Variants in TBC1D5 observed in about 807,000 individuals in gnomAD.
TBC1D5 encodes TBC1 domain family member 5.
Under a neutral mutation model 100.3 loss-of-function variants are expected in TBC1D5, and 75 were observed. That is an observed-to-expected ratio of 0.75 (90% CI 0.62 to 0.91). The LOEUF (loss-of-function observed/expected upper bound fraction) is 0.91, where lower values mean the gene tolerates loss of function less well. Among genes scored for constraint, TBC1D5 ranks in the 40% least tolerant of loss-of-function variants. The pLI is 0.00. For synonymous variants in TBC1D5, 323 were observed against 325.6 expected, an observed-to-expected ratio of 0.99 and a Z score of 0.09; for missense variants, 910 against 942.4, an observed-to-expected ratio of 0.97 and a Z score of 0.45.
At position 17,591,233 on chromosome 3, in the gene TBC1D5, C is replaced by CAAAAAAAAAAAAAAAAA. The variant is rs60889092; in HGVS notation, c.-36+32599_-36+32615dup. Reference sequence around the variant, plus strand: ...ACTGGGCTACAAAGAAAGGATCTGTCAAAAAAAAAAAAAAAAAAAAAAAAA... The same window carrying CAAAAAAAAAAAAAAAAA: ...ACTGGGCTACAAAGAAAGGATCTGTCAAAAAAAAAAAAAAAAAAAAAAAAAAAAAAAAAAAAAAAAAA... On this transcript the variant is annotated intron_variant, in intron 2 of 21. Coordinates refer to ENST00000253692, the Ensembl canonical transcript of TBC1D5. Among the ~76,000 whole-genome samples, 27 of 18,658 alleles carry CAAAAAAAAAAAAAAAAA rather than the reference C, an allele frequency of 1.4e-3. 1 individual carries two copies. Among genetic ancestry groups the CAAAAAAAAAAAAAAAAA allele is most frequent in the South Asian group, 2.3e-3 (1 of 440 alleles). The allele number at this position is 18,658 out of a possible 152,430, so 12.2% of individuals were successfully genotyped here.
chr3:17,705,174 G>T (rs1259031808), intron 1 of TBC1D5, among the ~76,000 whole-genome samples: 1 of 93,192 alleles, frequency 1.1e-5, no homozygotes, highest in Non-Finnish European at 2.3e-5. Flanking sequence ...CCTCCCGGAC[G>T]GCACGGCTGG....
At chr3:17,372,996 C>G (rs949962455) in intron 12 of TBC1D5, among the ~76,000 whole-genome samples, 2 of 152,294 alleles carry the variant, frequency 1.3e-5, no homozygotes, top group African/African-American at 2.4e-5. Context: ...CTGTAATGAT[C>G]ATGCAGCCAC....
At chr3:17,483,048 A>C (rs1248135691) in intron 3 of TBC1D5, among the ~76,000 whole-genome samples, 1 of 152,164 alleles carries the variant, frequency 6.6e-6, no homozygotes. Flanking sequence ...ATCTATGTGA[A>C]TGTGTGTATA....
intron 14 of TBC1D5, among the ~76,000 whole-genome samples, chr3:17,293,688 C>A (rs1467841895): frequency 6.6e-6 from 1 of 152,158 alleles, no homozygotes. Context: ...TCATGACAGG[C>A]CCTATGCTAG....
chr3:17,254,119 T>C (rs1044930215), intron 16 of TBC1D5, among the ~76,000 whole-genome samples: 2 of 152,242 alleles, frequency 1.3e-5, no homozygotes, highest in Admixed American at 6.5e-5. Flanking sequence ...TTGATGGAGA[T>C]TGGGTTATTT....
chr3:17,278,313 T>C (rs1276929036), intron 15 of TBC1D5, among the ~76,000 whole-genome samples: 1 of 152,306 alleles, frequency 6.6e-6, no homozygotes, highest in East Asian at 1.9e-4. Context: ...TGGCCAGTGG[T>C]ATACAGCAGG....
At chr3:17,246,602 T>C (rs746418434) in intron 16 of TBC1D5, among the ~76,000 whole-genome samples, 3 of 152,194 alleles carry the variant, frequency 2.0e-5, no homozygotes, top group Non-Finnish European at 4.4e-5. Context: ...ATATGGCCAG[T>C]TGATTTTCAA....
intron 18 of TBC1D5, among the ~76,000 whole-genome samples, chr3:17,192,885 T>C (rs1299533524): frequency 6.6e-6 from 1 of 152,262 alleles, no homozygotes; most frequent in Non-Finnish European, 1.5e-5. Context: ...ACTGGATTTG[T>C]CCCGACAGGA....
chr3:17,535,855 A>C (rs2096276671), intron 2 of TBC1D5, among the ~76,000 whole-genome samples: 1 of 152,140 alleles, frequency 6.6e-6, no homozygotes, highest in Admixed American at 6.6e-5. Context: ...GAAAAACCTA[A>C]CAGGAATTTT....
chr3:17,225,531 G>A (rs2596672), intron 17 of TBC1D5, among the ~76,000 whole-genome samples: 59,866 of 151,598 alleles, frequency 0.39, 12,555 homozygotes, highest in Middle Eastern at 0.49. Flanking sequence ...GCTGGGTGCA[G>A]TGTCTCCCAC....
intron 3 of TBC1D5, among the ~76,000 whole-genome samples, chr3:17,446,314 T>C (rs911088615): frequency 1.3e-5 from 2 of 152,166 alleles, no homozygotes; most frequent in Admixed American, 6.5e-5. Flanking sequence ...AGCTTTAAGG[T>C]TGCAATGGTT....
chr3:17,681,505 C>T (rs2069468698), intron 1 of TBC1D5, among the ~76,000 whole-genome samples: 1 of 151,522 alleles, frequency 6.6e-6, no homozygotes. Flanking sequence ...AACTTACTCT[C>T]ATCTAGAGAT....
intron 1 of TBC1D5, among the ~76,000 whole-genome samples, chr3:17,693,628 G>A (rs185453951): frequency 3.5e-4 from 53 of 152,224 alleles, no homozygotes; most frequent in African/African-American, 1.2e-3. Context: ...CCCTGCAGCC[G>A]CTAGACTCCA....
rs1163541875 is a variant in TBC1D5, at chr3:17,467,069, T to A, written c.98-38550A>T. Reference sequence around the variant, plus strand: ...GACAACTGATTTCTACGTCTACTCTTATTTTTTCAGAAACCCGTCAAGAGT... The same window carrying A: ...GACAACTGATTTCTACGTCTACTCTAATTTTTTCAGAAACCCGTCAAGAGT... On this transcript the variant is annotated intron_variant, in intron 3 of 21. Transcript: ENST00000253692. Among the ~76,000 whole-genome samples, 3 of 152,088 alleles carry A rather than the reference T, an allele frequency of 2.0e-5. No individual in the cohort carries two copies. In the East Asian group the frequency reaches 5.8e-4, roughly 29 times the overall value.
At chr3:17,222,363 T>C (rs2074384426) in intron 17 of TBC1D5, among the ~76,000 whole-genome samples, 1 of 152,202 alleles carries the variant, frequency 6.6e-6, no homozygotes, top group South Asian at 2.1e-4. Context: ...TTTAGAAGAA[T>C]GATTTTACCT....
intron 16 of TBC1D5, among the ~76,000 whole-genome samples, chr3:17,245,916 G>A (rs1168844170): frequency 6.6e-6 from 1 of 152,108 alleles, no homozygotes; most frequent in Admixed American, 6.6e-5. Context: ...CATCTCTAGA[G>A]CATTAGGGAT....
At chr3:17,589,267 T>G (rs1343798015) in intron 2 of TBC1D5, among the ~76,000 whole-genome samples, 1 of 152,240 alleles carries the variant, frequency 6.6e-6, no homozygotes, top group Non-Finnish European at 1.5e-5. Flanking sequence ...ATCAAACCAA[T>G]GCTACAACAA....
intron 13 of TBC1D5, among the ~76,000 whole-genome samples, chr3:17,360,751 T>A (rs2091630141): frequency 6.6e-6 from 1 of 152,006 alleles, no homozygotes. Flanking sequence ...TGATTAAAAT[T>A]TCTTCTATGT....
chr3:17,417,875 T>C (rs1005215211), intron 4 of TBC1D5, among the ~76,000 whole-genome samples: 2 of 121,892 alleles, frequency 1.6e-5, no homozygotes, highest in Non-Finnish European at 3.4e-5. Context: ...CTTTAAGATT[T>C]AGAAGTATTT....
Sources: allele counts gnomAD v4.1 joint callset (sites outside exome capture counted in the v4.1 genomes callset), GRCh38; gene constraint gnomAD v4.1.1; transcripts MANE v1.5; gene names NCBI Gene and HGNC (gene_info 2026-07-23, HGNC 2026-07-21).